The following C1orf74 variants were observed in gnomAD, a reference collection of about 807,000 sequenced individuals.
The protein encoded by C1orf74 is UPF0739 protein C1orf74.
In C1orf74, 5 loss-of-function variants were observed where a neutral mutation model predicts 7.3. The observed-to-expected ratio is 0.68, with a 90% confidence interval of 0.36 to 1.44. The LOEUF is 1.44. Among genes scored for constraint, C1orf74 ranks in the 40% most tolerant of loss-of-function variants. C1orf74 has a pLI of 0.04. For synonymous variants in C1orf74, 121 were observed against 132.5 expected, an observed-to-expected ratio of 0.91 and a Z score of 0.59; for missense variants, 291 against 314.3, an observed-to-expected ratio of 0.93 and a Z score of 0.56.
rs779406425 is a variant in C1orf74 at position 209,783,267 on chromosome 1, T to C, written c.368A>G (p.His123Arg). 7.4e-6 allele frequency: 12 copies of C among 1,613,928 alleles called. No homozygotes were observed. The highest frequency in any genetic ancestry group is 1.3e-5 in the African/African-American group (1 of 74,862). Reference sequence around the variant, plus strand: ...CTGGTCCAGGGAGCAGACAGAAGGGTGACGCTGGCAGCTGGAAACATCCAC... The same window carrying C: ...CTGGTCCAGGGAGCAGACAGAAGGGCGACGCTGGCAGCTGGAAACATCCAC... Reference protein sequence around the residue: ...AFVDVSSCQRHPSVCSLDQLQ... With the variant: ...AFVDVSSCQRRPSVCSLDQLQ... Residue 123 changes from histidine (H) to arginine (R), a missense_variant, in exon 2 of 2, where the codon CAC becomes CGC. His to Arg is a conservative substitution (Grantham distance 29). Coordinates refer to ENST00000294811, the MANE Select transcript of C1orf74 (RefSeq NM_152485.4).
Position 209,781,918 on chromosome 1 carries a change from A to T in C1orf74, c.*907T>A, listed in dbSNP as rs2077790171. 1.5e-6 allele frequency: 1 copy of T among 649,556 alleles called. No homozygotes were observed. Among genetic ancestry groups the T allele is most frequent in the South Asian group, 1.9e-5 (1 of 53,890 alleles). 40.2% of individuals were successfully genotyped at this position (649,556 alleles called of 1,614,324 possible). On this transcript the variant is annotated 3_prime_UTR_variant, in exon 2 of 2. Transcript: ENST00000294811. ...ATCCCAAGACAGGTGACAAAATGGG[A>T]GACAGAGTAAAAAGCTTTTTCTCCA...
rs2077735268 is a variant in C1orf74 at position 209,779,638 on chromosome 1, A to C, written c.*3187T>G. ...CATGTCTGTGTTGAACATTTCAATA[A>C]ATTTATTTTGAACTCAGGATTTCAT... On this transcript the variant is annotated 3_prime_UTR_variant, in exon 2 of 2. Transcript: ENST00000294811. The C allele has an allele frequency of 6.6e-6, 4 of 607,026 alleles. No individual in the cohort carries two copies. The highest frequency in any genetic ancestry group is 6.0e-5 in the South Asian group (3 of 50,166). 37.6% of individuals were successfully genotyped at this position (607,026 alleles called of 1,614,324 possible).
chr1:209,782,645 T>A lies in C1orf74; in HGVS notation c.*180A>T. 1 of 651,866 alleles carries A rather than the reference T, an allele frequency of 1.5e-6. No homozygotes were observed. Among genetic ancestry groups the A allele is most frequent in the Non-Finnish European group, 2.7e-6 (1 of 376,756 alleles). 40.4% of individuals were successfully genotyped at this position (651,866 alleles called of 1,614,324 possible). A position where few individuals can be genotyped will look rare whatever the true frequency, so the allele number is the denominator to read the frequency against. ...GGCAAGTATGTACTATCTACCAATT[T>A]GCTACTAGCACCACCATTACCTATT... On this transcript the variant is annotated 3_prime_UTR_variant, in exon 2 of 2. Coordinates refer to ENST00000294811, the MANE Select transcript of C1orf74 (RefSeq NM_152485.4).
At position 209,782,966 on chromosome 1, in the gene C1orf74, G is replaced by A; in HGVS notation, c.669C>T (p.Val223=). 1.2e-6 allele frequency: 2 copies of A among 1,614,154 alleles called. No homozygotes were observed. The highest frequency in any genetic ancestry group is 1.7e-6 in the Non-Finnish European group (2 of 1,180,028). ...QPPILLYSFS[V]PESLFPGLRD... The stretch of plus-strand genomic sequence containing the variant: ...TCAGGCCTGGGAACAAACTCTCTGG[G>A]ACACTAAAAGAATAGAGCAGGATTG... Residue 223 remains valine (V), a synonymous_variant, in exon 2 of 2, where the codon GTC becomes GTT. Coordinates refer to ENST00000294811, the MANE Select transcript of C1orf74 (RefSeq NM_152485.4).
At position 209,781,036 on chromosome 1, in the gene C1orf74, G is replaced by A. The variant is rs748643468; in HGVS notation, c.*1789C>T. On this transcript the variant is annotated 3_prime_UTR_variant, in exon 2 of 2. Transcript: ENST00000294811. ...CTTGTACTAAGGTCACTTCTAGGTCGTTTGTTCTATAAGAACTTCATTTTT... is the reference window on the plus strand; with the variant it reads ...CTTGTACTAAGGTCACTTCTAGGTCATTTGTTCTATAAGAACTTCATTTTT... 23 of 224,678 alleles carry A rather than the reference G, an allele frequency of 1.0e-4. No homozygotes were observed. The South Asian group carries it at 1.1e-3, about 11-fold the overall frequency. The allele number at this position is 224,678 out of a possible 1,614,324, so 13.9% of individuals were successfully genotyped here. A position where few individuals can be genotyped will look rare whatever the true frequency, so the allele number is the denominator to read the frequency against.
Position 209,782,903 on chromosome 1 carries a change from G to C in C1orf74, c.732C>G (p.Thr244=). The C allele has an allele frequency of 6.2e-7, 1 of 1,614,148 alleles. No individual in the cohort carries two copies. The change falls in exon 2 of 2, where the codon ACC becomes ACG. Residue 244 remains threonine (T), a synonymous_variant. Coordinates refer to ENST00000294811, the MANE Select transcript of C1orf74 (RefSeq NM_152485.4). ...ILNTWEKDLR[T]RFRTQNDFAD... ...CAAAGTCATTCTGAGTCCTAAATCG[G>C]GTTCTGAGGTCCTTCTCCCAGGTGT...
chr1:209,779,211 G>A lies in C1orf74; in HGVS notation c.*3614C>T, dbSNP rs2102517297. The A allele has an allele frequency of 1.2e-6, 1 of 863,640 alleles. No homozygotes were observed. Among genetic ancestry groups the A allele is most frequent in the Non-Finnish European group, 1.8e-6 (1 of 544,178 alleles). The allele number at this position is 863,640 out of a possible 1,614,324, so 53.5% of individuals were successfully genotyped here. A position where few individuals can be genotyped will look rare whatever the true frequency, so the allele number is the denominator to read the frequency against. On this transcript the variant is annotated 3_prime_UTR_variant, in exon 2 of 2. Coordinates refer to ENST00000294811, the MANE Select transcript of C1orf74 (RefSeq NM_152485.4). ...GGGGGACAAAATTCAACACACAGCA[G>A]ATGGGAACATATTTAATAACCAAGG... is the stretch of plus-strand genomic sequence containing the variant.
rs1459605401 is a variant in C1orf74 at position 209,780,530 on chromosome 1, C to G, written c.*2295G>C. 20 of 1,603,582 alleles carry G rather than the reference C, an allele frequency of 1.2e-5. No individual in the cohort carries two copies. The highest frequency in any genetic ancestry group is 1.6e-5 in the Non-Finnish European group (19 of 1,174,868). Reference sequence around the variant, plus strand: ...CCTAACGAAGTGGAGCCTGAGGGTACAGGGAAGGAGAAAGACTGGGATCTC... The same window carrying G: ...CCTAACGAAGTGGAGCCTGAGGGTAGAGGGAAGGAGAAAGACTGGGATCTC... On this transcript the variant is annotated 3_prime_UTR_variant, in exon 2 of 2. Transcript: ENST00000294811.
chr1:209,783,511 C>T lies in C1orf74; in HGVS notation c.124G>A (p.Glu42Lys). 4 of 1,614,206 alleles carry T rather than the reference C, an allele frequency of 2.5e-6. No individual in the cohort carries two copies. Among genetic ancestry groups the T allele is most frequent in the Non-Finnish European group, 3.4e-6 (4 of 1,180,042 alleles). ...PQAICLHLAG[E>K]VLAVARGLKP... ...AGTCCCCGGGCCACAGCCAGCACCT[C>T]TCCAGCTAAGTGAAGGCAGATGGCT... The change falls in exon 2 of 2, where the codon GAG becomes AAG. Residue 42 changes from glutamate to lysine, a missense_variant. Physicochemically the swap from Glu to Lys is moderately conservative, Grantham distance 56. Coordinates refer to ENST00000294811, the MANE Select transcript of C1orf74 (RefSeq NM_152485.4).
chr1:209,783,203 T>A lies in C1orf74; in HGVS notation c.432A>T (p.Thr144=). ...DLKALVAEII[T]HLQGLQRDLS... is the part of the protein sequence containing the mutation. ...AGTCCCTCTGCAGCCCCTGCAAATG[T>A]GTGATGATCTCAGCCACGAGGGCCT... The change falls in exon 2 of 2, where the codon ACA becomes ACT. Residue 144 remains threonine, a synonymous_variant. Coordinates refer to ENST00000294811, the MANE Select transcript of C1orf74 (RefSeq NM_152485.4). 1 of 1,614,048 alleles carries A rather than the reference T, an allele frequency of 6.2e-7. No homozygotes were observed. The highest frequency in any genetic ancestry group is 8.5e-7 in the Non-Finnish European group (1 of 1,180,006).
At chr1:209,783,740 A>G in intron 1 of C1orf74, 31 bp from the exon 2 acceptor site, 1 of 930,526 alleles carries the variant, frequency 1.1e-6, no homozygotes. Context: ...GGGAATTATT[A>G]ACAGCCTTCC....
In C1orf74 at chr1:209,779,615, T is replaced by G; in HGVS notation, c.*3210A>C. Reference sequence around the variant, plus strand: ...GGTTTCTATTCTCTCTGAAAGCACATGTCTGTGTTGAACATTTCAATAAAT... The same window carrying G: ...GGTTTCTATTCTCTCTGAAAGCACAGGTCTGTGTTGAACATTTCAATAAAT... On this transcript the variant is annotated 3_prime_UTR_variant, in exon 2 of 2. Coordinates refer to ENST00000294811, the MANE Select transcript of C1orf74 (RefSeq NM_152485.4). The G allele has an allele frequency of 3.2e-6, 2 of 632,484 alleles. No homozygotes were observed. The allele number at this position is 632,484 out of a possible 1,614,324, so 39.2% of individuals were successfully genotyped here.
rs748726048 is a variant in C1orf74 at position 209,782,072 on chromosome 1, G to A, written c.*753C>T. On this transcript the variant is annotated 3_prime_UTR_variant, in exon 2 of 2. Coordinates refer to ENST00000294811, the MANE Select transcript of C1orf74 (RefSeq NM_152485.4). ...CCCCTACAGAGGCAATGTGGGCGAT[G>A]GCTCCCAGTGCTGATGGTGGTGATT... 4 of 1,614,108 alleles carry A rather than the reference G, an allele frequency of 2.5e-6. No homozygotes were observed. Among genetic ancestry groups the A allele is most frequent in the Non-Finnish European group, 3.4e-6 (4 of 1,179,958 alleles).
In C1orf74 at chr1:209,779,811, GCTC is replaced by G. The variant is rs1278653575; in HGVS notation, c.*3011_*3013del. On this transcript the variant is annotated 3_prime_UTR_variant, in exon 2 of 2. Coordinates refer to ENST00000294811, the MANE Select transcript of C1orf74 (RefSeq NM_152485.4). ...TCACTGTGTATACAGAGGGGCAATA[GCTC>G]CTCACCTGTCCACTACACACGACCT... 2.7e-6 allele frequency: 1 copy of G among 369,372 alleles called. No homozygotes were observed. The highest frequency in any genetic ancestry group is 4.9e-6 in the Non-Finnish European group (1 of 202,514). 22.9% of individuals were successfully genotyped at this position (369,372 alleles called of 1,614,324 possible).
Position 209,782,037 on chromosome 1 carries a change from T to C in C1orf74, c.*788A>G, listed in dbSNP as rs1221358145. 3.1e-6 allele frequency: 5 copies of C among 1,606,828 alleles called. No homozygotes were observed. The highest frequency in any genetic ancestry group is 1.3e-5 in the African/African-American group (1 of 74,752). The stretch of plus-strand genomic sequence containing the variant: ...ATCCACTCATGGCCACTTTCTTCTG[T>C]CTCCCTGTCCCCCTACAGAGGCAAT... On this transcript the variant is annotated 3_prime_UTR_variant, in exon 2 of 2. Coordinates refer to ENST00000294811, the MANE Select transcript of C1orf74 (RefSeq NM_152485.4).
rs2077787953 is a variant in C1orf74, at chr1:209,781,844, C to G, written c.*981G>C. On this transcript the variant is annotated 3_prime_UTR_variant, in exon 2 of 2. Transcript: ENST00000294811. ...CATATCAGTATTTATATATCTGGTC[C>G]CTGATGGATACGGCTCCCTGGGCCA... 5 of 569,052 alleles carry G rather than the reference C, an allele frequency of 8.8e-6. No individual in the cohort carries two copies. Among genetic ancestry groups the G allele is most frequent in the Non-Finnish European group, 1.6e-5 (5 of 317,946 alleles). 35.3% of individuals were successfully genotyped at this position (569,052 alleles called of 1,614,324 possible). A position where few individuals can be genotyped will look rare whatever the true frequency, so the allele number is the denominator to read the frequency against.
rs190909964 is a variant in C1orf74, at chr1:209,783,727, G to A, written c.-75-18C>T. 7.3e-5 allele frequency: 77 copies of A among 1,052,556 alleles called. No individual in the cohort carries two copies. In the East Asian group the frequency reaches 1.1e-3, roughly 15 times the overall value. 65.2% of individuals were successfully genotyped at this position (1,052,556 alleles called of 1,614,324 possible). On this transcript the variant is annotated intron_variant, in intron 1 of 1. Transcript: ENST00000294811. ...GGAGGGGCCTAGAAACAAAGCAGGA[G>A]CAGGGAATTATTAACAGCCTTCCTG...
rs1011232035 is a variant in C1orf74, at chr1:209,782,546, C to T, written c.*279G>A. ...TTCCATCACCCTGCTTTTCCTCTAT[C>T]ATCTCCTTCCTTCTATCTTTTATCC... On this transcript the variant is annotated 3_prime_UTR_variant, in exon 2 of 2. Transcript: ENST00000294811. 1.8e-5 allele frequency: 9 copies of T among 506,386 alleles called. No homozygotes were observed. Among genetic ancestry groups the T allele is most frequent in the Non-Finnish European group, 3.2e-5 (9 of 282,594 alleles). The allele number at this position is 506,386 out of a possible 1,614,324, so 31.4% of individuals were successfully genotyped here.
At position 209,781,854 on chromosome 1, in the gene C1orf74, A is replaced by G. The variant is rs886610486; in HGVS notation, c.*971T>C. 1.7e-5 allele frequency: 10 copies of G among 578,574 alleles called. No individual in the cohort carries two copies. The highest frequency in any genetic ancestry group is 1.7e-4 in the African/African-American group (9 of 53,466). 35.8% of individuals were successfully genotyped at this position (578,574 alleles called of 1,614,324 possible). A position where few individuals can be genotyped will look rare whatever the true frequency, so the allele number is the denominator to read the frequency against. On this transcript the variant is annotated 3_prime_UTR_variant, in exon 2 of 2. Coordinates refer to ENST00000294811, the MANE Select transcript of C1orf74 (RefSeq NM_152485.4). ...TTTATATATCTGGTCCCTGATGGAT[A>G]CGGCTCCCTGGGCCAGAGAACATTG... is the stretch of plus-strand genomic sequence containing the variant.
Sources: gnomAD v4.1 joint callset for allele counts on GRCh38, gnomAD v4.1.1 for gene constraint, MANE v1.5 for transcripts, NCBI Gene and HGNC (gene_info 2026-07-23, HGNC 2026-07-21) for gene names.